The following HSPA14 variants were observed in gnomAD, a reference collection of about 807,000 sequenced individuals.
The protein encoded by HSPA14 is heat shock protein family A (Hsp70) member 14.
In HSPA14, 37 loss-of-function variants were observed where a neutral mutation model predicts 65.5. That is an observed-to-expected ratio of 0.56 (90% CI 0.43 to 0.74). The LOEUF is 0.74. Ranked by LOEUF, HSPA14 falls within the 30% of genes least tolerant of loss-of-function variation. The pLI, the probability that HSPA14 is intolerant of heterozygous loss-of-function variation, is 0.00. For synonymous variants in HSPA14, 203 were observed against 214.2 expected, an observed-to-expected ratio of 0.95 and a Z score of 0.46; for missense variants, 564 against 607.6, an observed-to-expected ratio of 0.93 and a Z score of 0.75.
At chr10:14,854,347 CT>C in intron 9 of HSPA14, 67 bp downstream of exon 9, 1 of 1,321,042 alleles carries the variant, frequency 7.6e-7, no homozygotes, top group Non-Finnish European at 1.0e-6. Flanking sequence ...GTATAATTTT[CT>C]TACTTTGGGT....
chr10:14,865,346 T>G (rs1280244949), intron 10 of HSPA14, among the ~76,000 whole-genome samples: 1 of 151,464 alleles, frequency 6.6e-6, no homozygotes, highest in East Asian at 1.9e-4. Context: ...ATTTGTCAAT[T>G]TTGGCTTTTG....
At chr10:14,850,637 T>G (rs1431064571) in intron 6 of HSPA14, 1 of 152,272 alleles carries the variant, frequency 6.6e-6, no homozygotes, top group Non-Finnish European at 1.5e-5. Flanking sequence ...AACACTAGAT[T>G]AAAGAAATTG....
rs1834113857 is a variant in HSPA14, at chr10:14,852,275, T to A, written c.573-95T>A. 4.1e-6 allele frequency: 4 copies of A among 981,820 alleles called. No individual in the cohort carries two copies. The Admixed American group carries it at 9.0e-5, about 22-fold the overall frequency. The allele number at this position is 981,820 out of a possible 1,614,324, so 60.8% of individuals were successfully genotyped here. ...TCACCTGAGATTTTCTATTTCCTCA[T>A]TTGTAAATTAAAGGGATTAAACTAA... is the stretch of plus-strand genomic sequence containing the variant. On this transcript the variant is annotated intron_variant, in intron 7 of 13. Coordinates refer to ENST00000378372, the MANE Select transcript of HSPA14 (RefSeq NM_016299.4).
chr10:14,852,598 T>C, intron 8 of HSPA14, 67 bp downstream of exon 8: 1 of 1,316,792 alleles, frequency 7.6e-7, no homozygotes, highest in Non-Finnish European at 1.0e-6. Flanking sequence ...TAATTTTTTT[T>C]CCTAATTTAT....
Position 14,871,624 on chromosome 10 carries a change from G to T in HSPA14, c.*18G>T, listed in dbSNP as rs549551610. 10 of 1,409,712 alleles carry T rather than the reference G, an allele frequency of 7.1e-6. No individual in the cohort carries two copies. In the Admixed American group the frequency reaches 1.3e-4, roughly 18 times the overall value. The allele number at this position is 1,409,712 out of a possible 1,614,324, so 87.3% of individuals were successfully genotyped here. On this transcript the variant is annotated 3_prime_UTR_variant, in exon 14 of 14. Transcript: ENST00000378372. ...CATCTTAGTGTTTTAGAGAAATCAA[G>T]AATTTTTAAAAACAAGAATATCAAC...
intron 9 of HSPA14, 45 bp downstream of exon 9, chr10:14,854,325 A>G: frequency 6.8e-7 from 1 of 1,472,186 alleles, no homozygotes. Flanking sequence ...TTCCAAGAAC[A>G]TGTTTGTTTA....
chr10:14,858,614 T>C (rs1269379305), intron 10 of HSPA14, among the ~76,000 whole-genome samples: 1 of 152,184 alleles, frequency 6.6e-6, no homozygotes, highest in Non-Finnish European at 1.5e-5. Flanking sequence ...TAGGTGCATG[T>C]CAGTGCATTC....
At chr10:14,849,363 G>C (rs1277033796) in intron 5 of HSPA14, 1 of 484,354 alleles carries the variant, frequency 2.1e-6, no homozygotes, top group Non-Finnish European at 4.2e-6. Context: ...AAGAACTTGG[G>C]GGTTGGAAGG....
chr10:14,852,547 C>T lies in HSPA14; in HGVS notation c.734+16C>T, dbSNP rs750859715. ...AGTTCCAAAGGTGAGTGTTAATGGCCTGAATAATACCTTCTGATTGAGGTT... is the reference window on the plus strand; with the variant it reads ...AGTTCCAAAGGTGAGTGTTAATGGCTTGAATAATACCTTCTGATTGAGGTT... On this transcript the variant is annotated intron_variant, in intron 8 of 13. Coordinates refer to ENST00000378372, the MANE Select transcript of HSPA14 (RefSeq NM_016299.4). The T allele has an allele frequency of 1.3e-6, 2 of 1,549,644 alleles. No homozygotes were observed. Among genetic ancestry groups the T allele is most frequent in the East Asian group, 4.6e-5 (2 of 43,160 alleles).
intron 10 of HSPA14, among the ~76,000 whole-genome samples, chr10:14,862,376 C>CTTTTTTTT (rs753404160): frequency 7.8e-6 from 1 of 128,654 alleles, no homozygotes; most frequent in African/African-American, 2.9e-5. Flanking sequence ...CTTTTCTTTT[C>CTTTTTTTT]TTTTTTTTTT....
intron 10 of HSPA14, among the ~76,000 whole-genome samples, chr10:14,862,899 G>A (rs1383510944): frequency 6.7e-6 from 1 of 150,340 alleles, no homozygotes; most frequent in Non-Finnish European, 1.5e-5. Flanking sequence ...GCCCAGGCTA[G>A]TCTTGAACTC....
rs559393919 is a variant in HSPA14, at chr10:14,864,578, G to A, written c.994-2505G>A. Among the ~76,000 whole-genome samples the A allele has an allele frequency of 1.2e-3, 182 of 152,018 alleles. 2 individuals are homozygous for A. Among genetic ancestry groups the A allele is most frequent in the Admixed American group, 6.3e-3 (96 of 15,278 alleles). ...TTCCCACCTATGAGTGAGAACATGC[G>A]GTGTTTGGTTTTTTGTCCTTGCGAT... On this transcript the variant is annotated intron_variant, in intron 10 of 13. Transcript: ENST00000378372.
At chr10:14,869,503 C>A (rs1252360922) in intron 12 of HSPA14, among the ~76,000 whole-genome samples, 1 of 152,046 alleles carries the variant, frequency 6.6e-6, no homozygotes, top group African/African-American at 2.4e-5. Flanking sequence ...CTGTGTTGAC[C>A]AGGCTGGTCT....
At chr10:14,856,504 A>T (rs1008225754) in intron 10 of HSPA14, among the ~76,000 whole-genome samples, 1 of 152,144 alleles carries the variant, frequency 6.6e-6, no homozygotes, top group Non-Finnish European at 1.5e-5. Context: ...AAAAAATTCA[A>T]ATGTTTAGTA....
In HSPA14 at chr10:14,868,906, G is replaced by GCA. The variant is rs746145242; in HGVS notation, c.1380+999_1380+1000dup. Among the ~76,000 whole-genome samples the GCA allele has an allele frequency of 4.6e-5, 7 of 152,286 alleles. No individual in the cohort carries two copies. In the East Asian group the frequency reaches 1.2e-3, roughly 25 times the overall value. On this transcript the variant is annotated intron_variant, in intron 12 of 13. Coordinates refer to ENST00000378372, the MANE Select transcript of HSPA14 (RefSeq NM_016299.4). ...CTCTTGCCCAGGCCAGAGTGCAGTG[G>GCA]CACGATCTCGGCTCACTGCAAGCTC...
At chr10:14,855,218 T>C (rs1397530108) in intron 9 of HSPA14, among the ~76,000 whole-genome samples, 2 of 152,148 alleles carry the variant, frequency 1.3e-5, no homozygotes, top group African/African-American at 2.4e-5. Flanking sequence ...ATCTATAAGG[T>C]TTATAGATAT....
At chr10:14,855,694 G>C (rs1180611358) in intron 9 of HSPA14, 147 bp from the exon 10 acceptor site, 1 of 559,876 alleles carries the variant, frequency 1.8e-6, no homozygotes, top group Admixed American at 3.4e-5. Flanking sequence ...TGGTAAACCT[G>C]TCATTCAGAG....
intron 8 of HSPA14, 71 bp downstream of exon 8, chr10:14,852,602 A>C: frequency 1.6e-6 from 2 of 1,262,440 alleles, no homozygotes; most frequent in Non-Finnish European, 2.2e-6. Context: ...TTTTTTTCCT[A>C]ATTTATTTTA....
chr10:14,855,366 C>T (rs926276908), intron 9 of HSPA14, among the ~76,000 whole-genome samples: 3 of 151,952 alleles, frequency 2.0e-5, no homozygotes, highest in Non-Finnish European at 4.4e-5. Flanking sequence ...TCAGGGAGTA[C>T]GGAGGGGCTA....
Sources: allele counts gnomAD v4.1 joint callset (sites outside exome capture counted in the v4.1 genomes callset), GRCh38; gene constraint gnomAD v4.1.1; transcripts MANE v1.5; gene names NCBI Gene and HGNC (gene_info 2026-07-23, HGNC 2026-07-21).